The following IL6ST variants were observed in gnomAD, a reference collection of about 807,000 sequenced individuals.
IL6ST encodes interleukin 6 cytokine family signal transducer, also known as interleukin-6 receptor subunit beta.
A neutral mutation model predicts 91.3 loss-of-function variants in IL6ST; 24 were observed. That is an observed-to-expected ratio of 0.26 (90% CI 0.19 to 0.37). The LOEUF (loss-of-function observed/expected upper bound fraction) is 0.37, where lower values mean the gene tolerates loss of function less well. Ranked by LOEUF, IL6ST falls within the 10% of genes least tolerant of loss-of-function variation. The pLI is 1.00. For missense variants in IL6ST, 914 were observed against 1,078.5 expected, an observed-to-expected ratio of 0.85 and a Z score of 2.14; for synonymous variants, 351 against 373.6, an observed-to-expected ratio of 0.94 and a Z score of 0.70.
chr5:55,969,579 T>C lies in IL6ST; in HGVS notation c.341A>G (p.Asn114Ser), dbSNP rs760714861. 5 of 1,612,180 alleles carry C rather than the reference T, an allele frequency of 3.1e-6. No individual in the cohort carries two copies. Among genetic ancestry groups the C allele is most frequent in the South Asian group, 1.1e-5 (1 of 90,900 alleles). ...NILTFGQLEQ[N>S]VYGITIISGL... ...TGAAATTATTGTGATTCCATAAACA[T>C]TCTGTTCAAGCTGTCCGAATGTAAG... The change falls in exon 4 of 17, where the codon AAT becomes AGT. Residue 114 changes from asparagine (N) to serine (S), a missense_variant. By Grantham distance (46) the Asn-to-Ser change is conservative. Coordinates refer to ENST00000381298, the MANE Select transcript of IL6ST (RefSeq NM_002184.4).
At chr5:55,947,427 T>C (rs1751334485) in intron 15 of IL6ST, 66 bp downstream of exon 15, 2 of 850,252 alleles carry the variant, frequency 2.4e-6, no homozygotes, top group Non-Finnish European at 3.9e-6. Flanking sequence ...GGATAAATTT[T>C]ATTGCATGTA....
chr5:55,969,975 C>T (rs775702531), intron 3 of IL6ST, 120 bp from the exon 4 acceptor site: 7 of 587,730 alleles, frequency 1.2e-5, no homozygotes, highest in Admixed American at 2.8e-5. Flanking sequence ...CCTAAAGACA[C>T]AGAAAAAGAC....
chr5:55,972,575 T>C (rs1006201962), intron 3 of IL6ST, among the ~76,000 whole-genome samples: 11 of 152,278 alleles, frequency 7.2e-5, no homozygotes, highest in African/African-American at 2.6e-4. Flanking sequence ...TACCATCCCA[T>C]GTCAAATTAA....
chr5:55,983,002 T>G (rs1580862319), intron 1 of IL6ST, among the ~76,000 whole-genome samples, 191 bp from the exon 2 acceptor site: 1 of 136,596 alleles, frequency 7.3e-6, no homozygotes, highest in East Asian at 2.1e-4. Context: ...TTCTAGTGCT[T>G]TTTTTTTTTT....
chr5:55,951,107 A>G (rs1751605141), intron 14 of IL6ST, among the ~76,000 whole-genome samples: 1 of 152,198 alleles, frequency 6.6e-6, no homozygotes, highest in Non-Finnish European at 1.5e-5. Context: ...GGAGGTACGG[A>G]AGTGAAGACT....
At chr5:55,941,970 T>C (rs564087712) in intron 16 of IL6ST, 151 bp from the exon 17 acceptor site, 1 of 655,598 alleles carries the variant, frequency 1.5e-6, no homozygotes, top group East Asian at 2.7e-5. Flanking sequence ...GCAGATACTA[T>C]AAAATGAGTC....
intron 2 of IL6ST, among the ~76,000 whole-genome samples, chr5:55,980,379 G>A (rs541931002): frequency 1.7e-4 from 26 of 152,142 alleles, no homozygotes; most frequent in African/African-American, 3.6e-4. Flanking sequence ...GTGAAACCCC[G>A]TCCATACTAA....
At chr5:55,959,554 C>T in intron 8 of IL6ST, 2 of 691,618 alleles carry the variant, frequency 2.9e-6, no homozygotes, top group Non-Finnish European at 4.3e-6. Context: ...AGACTGTACA[C>T]TCTTTTTGTG....
Position 55,952,242 on chromosome 5 carries a change from G to C in IL6ST, c.1552+8C>G, listed in dbSNP as rs1455898339. The C allele has an allele frequency of 1.9e-6, 3 of 1,592,260 alleles. No homozygotes were observed. The highest frequency in any genetic ancestry group is 2.7e-5 in the African/African-American group (2 of 74,218). The stretch of plus-strand genomic sequence containing the variant: ...CTTTTTTTTTCAAAGAAGTGAGTTT[G>C]GACTTACGAGCTTGTTTAAGGTATG... On this transcript the variant is annotated splice_region_variant and intron_variant, in intron 12 of 16. Transcript: ENST00000381298.
rs867032303 is a variant in IL6ST at position 55,952,122 on chromosome 5, T to G, written c.1553-47A>C. ...TGCTAACTGAAAATCATTTACAATC[T>G]AGTAAAATTTCCTTGTCATAAAATC... On this transcript the variant is annotated intron_variant, in intron 12 of 16. Coordinates refer to ENST00000381298, the MANE Select transcript of IL6ST (RefSeq NM_002184.4). The G allele has an allele frequency of 1.9e-5, 30 of 1,566,884 alleles. 2 individuals are homozygous for G. The Middle Eastern group carries it at 4.4e-3, about 231-fold the overall frequency.
intron 4 of IL6ST, among the ~76,000 whole-genome samples, chr5:55,968,830 C>T (rs1245300440): frequency 6.6e-6 from 1 of 152,156 alleles, no homozygotes. Flanking sequence ...AATGCCAAAA[C>T]AGTAAAGTCT....
At chr5:55,971,902 T>C (rs909390670) in intron 3 of IL6ST, among the ~76,000 whole-genome samples, 28 of 152,222 alleles carry the variant, frequency 1.8e-4, no homozygotes, top group Non-Finnish European at 2.9e-4. Context: ...TTCAAACTTA[T>C]AATGTGGTCT....
At position 55,972,882 on chromosome 5, in the gene IL6ST, G is replaced by GT. The variant is rs1353638869; in HGVS notation, c.65-3028dup. On this transcript the variant is annotated intron_variant, in intron 3 of 16. Transcript: ENST00000381298. The stretch of plus-strand genomic sequence containing the variant: ...TACCCGGGCGTGGTGACCTGCACCT[G>GT]TAATTCCAGCTACTCAGGAGGCTGA... Among the ~76,000 whole-genome samples the GT allele has an allele frequency of 2.6e-5, 4 of 152,076 alleles. No homozygotes were observed. In the East Asian group the frequency reaches 7.7e-4, roughly 29 times the overall value.
At chr5:55,942,114 A>C (rs1331413677) in intron 16 of IL6ST, among the ~76,000 whole-genome samples, 1 of 152,232 alleles carries the variant, frequency 6.6e-6, no homozygotes, top group Non-Finnish European at 1.5e-5. Flanking sequence ...ATTAAGGAAA[A>C]TCAAACCTGA....
chr5:55,947,798 T>A (rs1052167701), intron 14 of IL6ST, among the ~76,000 whole-genome samples: 2 of 152,162 alleles, frequency 1.3e-5, no homozygotes, highest in Non-Finnish European at 2.9e-5. Flanking sequence ...TTATGTCTTA[T>A]ACATTAACCT....
At chr5:55,988,477 T>C (rs564752546) in intron 1 of IL6ST, among the ~76,000 whole-genome samples, 1 of 152,046 alleles carries the variant, frequency 6.6e-6, no homozygotes, top group South Asian at 2.1e-4. Flanking sequence ...CATCAAAAAA[T>C]AGCTCTCCAG....
intron 3 of IL6ST, among the ~76,000 whole-genome samples, chr5:55,970,875 T>C (rs1250114148): frequency 1.3e-5 from 2 of 151,944 alleles, no homozygotes; most frequent in Non-Finnish European, 2.9e-5. Context: ...GCACTCCAGC[T>C]TGGGAGACAG....
chr5:55,951,267 G>A (rs1400428739), intron 14 of IL6ST, among the ~76,000 whole-genome samples, 197 bp downstream of exon 14: 1 of 152,120 alleles, frequency 6.6e-6, no homozygotes, highest in East Asian at 1.9e-4. Flanking sequence ...GCTGAATATA[G>A]TCAGAAGCAG....
intron 1 of IL6ST, among the ~76,000 whole-genome samples, chr5:55,994,452 G>A (rs1158486574): frequency 6.6e-6 from 1 of 152,142 alleles, no homozygotes; most frequent in African/African-American, 2.4e-5. Context: ...AGATGAAAAG[G>A]GGATTGGGAA....
Sources: allele counts gnomAD v4.1 joint callset (sites outside exome capture counted in the v4.1 genomes callset), GRCh38; gene constraint gnomAD v4.1.1; transcripts MANE v1.5; gene names NCBI Gene and HGNC (gene_info 2026-07-23, HGNC 2026-07-21).